Variants in USP15 observed in about 807,000 individuals in gnomAD.
USP15 encodes ubiquitin specific peptidase 15.
Under a neutral mutation model 127.1 loss-of-function variants are expected in USP15, and 18 were observed. The ratio of observed to expected loss-of-function variants is 0.14; its 90% CI spans 0.10 to 0.21. The LOEUF (loss-of-function observed/expected upper bound fraction) is 0.21, where lower values mean the gene tolerates loss of function less well. Ranked by LOEUF, USP15 falls within the 10% of genes least tolerant of loss-of-function variation. The pLI, the probability that USP15 is intolerant of heterozygous loss-of-function variation, is 1.00. For missense variants in USP15, 805 were observed against 1,159.9 expected, an observed-to-expected ratio of 0.69 and a Z score of 4.44; for synonymous variants, 364 against 393.7, an observed-to-expected ratio of 0.92 and a Z score of 0.89.
chr12:62,288,210 G>T (rs1424429778), intron 1 of USP15, among the ~76,000 whole-genome samples: 1 of 151,910 alleles, frequency 6.6e-6, no homozygotes, highest in African/African-American at 2.4e-5. Flanking sequence ...TAACATTATC[G>T]ATTCTTCTGA....
In USP15 at chr12:62,414,983, T is replaced by TATATCATATATGTACATAC. The variant is rs1202544924; in HGVS notation, c.*10626_*10627insCATATCATATATGTACATA. 1.3e-5 allele frequency: 2 copies of TATATCATATATGTACATAC among 150,204 alleles called. No homozygotes were observed. Among genetic ancestry groups the TATATCATATATGTACATAC allele is most frequent in the African/African-American group, 4.9e-5 (2 of 41,084 alleles). The allele number at this position is 150,204 out of a possible 1,614,324, so 9.3% of individuals were successfully genotyped here. A position where few individuals can be genotyped will look rare whatever the true frequency, so the allele number is the denominator to read the frequency against. On this transcript the variant is annotated 3_prime_UTR_variant, in exon 22 of 22. Transcript: ENST00000280377. ...TATACACATATCATGTATATACATA[T>TATATCATATATGTACATAC]ATATCATATATGTACATATATATAT...
At chr12:62,396,767 G>A (rs545016291) in intron 20 of USP15, among the ~76,000 whole-genome samples, 12 of 151,986 alleles carry the variant, frequency 7.9e-5, no homozygotes, top group Admixed American at 2.0e-4. Flanking sequence ...ACTAGGTCTC[G>A]ACACTTATGA....
At chr12:62,304,118 T>G (rs529436309) in intron 3 of USP15, among the ~76,000 whole-genome samples, 18 of 152,286 alleles carry the variant, frequency 1.2e-4, no homozygotes, top group African/African-American at 4.3e-4. Flanking sequence ...TAGCACATTA[T>G]ACACTAGCGG....
chr12:62,311,368 T>A (rs2064674211), intron 3 of USP15, among the ~76,000 whole-genome samples: 1 of 151,750 alleles, frequency 6.6e-6, no homozygotes, highest in Non-Finnish European at 1.5e-5. Flanking sequence ...TCACTAATGT[T>A]TTTCTGTAAA....
At chr12:62,397,728 G>A (rs367816147) in intron 20 of USP15, among the ~76,000 whole-genome samples, 8 of 151,086 alleles carry the variant, frequency 5.3e-5, no homozygotes, top group African/African-American at 1.2e-4. Flanking sequence ...GTGGTGGCAC[G>A]TGCCTGTAAT....
intron 8 of USP15, 56 bp from the exon 9 acceptor site, chr12:62,381,434 T>C (rs2066988005): frequency 2.1e-6 from 3 of 1,456,714 alleles, no homozygotes; most frequent in Non-Finnish European, 2.8e-6. Flanking sequence ...TTAATGTGTT[T>C]TAAGAAAAAT....
At chr12:62,383,440 G>A (rs2067050339) in intron 9 of USP15, among the ~76,000 whole-genome samples, 1 of 151,890 alleles carries the variant, frequency 6.6e-6, no homozygotes, top group Non-Finnish European at 1.5e-5. Flanking sequence ...GCACATCACA[G>A]CTTTCTTGCA....
chr12:62,329,508 C>T (rs1219456289), intron 6 of USP15, among the ~76,000 whole-genome samples: 1 of 152,126 alleles, frequency 6.6e-6, no homozygotes, highest in Non-Finnish European at 1.5e-5. Flanking sequence ...GAACTATACA[C>T]AGAGTTAAAA....
intron 16 of USP15, 124 bp from the exon 17 acceptor site, chr12:62,391,692 C>G: frequency 3.1e-6 from 3 of 967,212 alleles, no homozygotes; most frequent in Non-Finnish European, 4.5e-6. Flanking sequence ...GCTGTTTGCC[C>G]TAATCACCAG....
At chr12:62,280,720 T>C (rs1039756275) in intron 1 of USP15, among the ~76,000 whole-genome samples, 1 of 152,068 alleles carries the variant, frequency 6.6e-6, no homozygotes. Context: ...TTGAAAAGAA[T>C]AAGGGAATTT....
At chr12:62,292,767 C>G (rs937825595) in intron 1 of USP15, among the ~76,000 whole-genome samples, 1 of 152,192 alleles carries the variant, frequency 6.6e-6, no homozygotes, top group Non-Finnish European at 1.5e-5. Flanking sequence ...GCTTTGGTTT[C>G]CTTTGTCCCA....
intron 2 of USP15, among the ~76,000 whole-genome samples, chr12:62,300,962 T>C (rs1221683542): frequency 6.6e-6 from 1 of 152,152 alleles, no homozygotes. Flanking sequence ...TGGGAGAAGA[T>C]ATTTACAATC....
chr12:62,357,710 G>A (rs937610555), intron 8 of USP15, among the ~76,000 whole-genome samples: 8 of 152,072 alleles, frequency 5.3e-5, no homozygotes, highest in Middle Eastern at 3.4e-3. Flanking sequence ...TTACTTGTGC[G>A]GCTTTAGCTT....
chr12:62,373,135 C>G (rs1031011917), intron 8 of USP15, among the ~76,000 whole-genome samples: 4 of 151,882 alleles, frequency 2.6e-5, no homozygotes, highest in African/African-American at 9.7e-5. Context: ...AATCCTCTAT[C>G]CATATTTTTT....
chr12:62,339,861 C>G (rs2065594675), intron 6 of USP15, among the ~76,000 whole-genome samples: 1 of 152,108 alleles, frequency 6.6e-6, no homozygotes, highest in Non-Finnish European at 1.5e-5. Context: ...TTTGTTGTGT[C>G]TCTGCCAGCT....
intron 1 of USP15, among the ~76,000 whole-genome samples, chr12:62,276,679 C>T (rs2063500058): frequency 6.6e-6 from 1 of 152,056 alleles, no homozygotes; most frequent in Non-Finnish European, 1.5e-5. Context: ...ATCAGAATCA[C>T]ATTTTGATAA....
chr12:62,382,202 G>A (rs1043472812), intron 9 of USP15, among the ~76,000 whole-genome samples: 3 of 151,962 alleles, frequency 2.0e-5, no homozygotes, highest in Non-Finnish European at 4.4e-5. Context: ...TTATTCACAT[G>A]TGTGAATTGT....
At position 62,355,450 on chromosome 12, in the gene USP15, C is replaced by T. The variant is rs2066093262; in HGVS notation, c.890C>T (p.Thr297Met). The change falls in exon 8 of 22, where the codon ACG becomes ATG. Residue 297 changes from threonine to methionine, a missense_variant. This residue lies in a region of USP15 where 84 missense variants were observed against 107.7 expected (regional missense o/e 0.78). Coordinates refer to ENST00000280377, the MANE Select transcript of USP15 (RefSeq NM_001252078.2). ...TGTGGCCTAAGTAACTTGGGAAATA[C>T]GTGTTTCATGAACTCAGCTATTCAG... The part of the protein sequence containing the change: ...GLCGLSNLGN[T>M]CFMNSAIQCL... 2 of 1,603,876 alleles carry T rather than the reference C, an allele frequency of 1.2e-6. No individual in the cohort carries two copies. Among genetic ancestry groups the T allele is most frequent in the Non-Finnish European group, 1.7e-6 (2 of 1,175,290 alleles).
rs1279403888 is a variant in USP15 at position 62,409,414 on chromosome 12, A to C, written c.*5039A>C. The C allele has an allele frequency of 1.3e-5, 2 of 152,214 alleles. No homozygotes were observed. The highest frequency in any genetic ancestry group is 2.4e-5 in the African/African-American group (1 of 41,464). 9.4% of individuals were successfully genotyped at this position (152,214 alleles called of 1,614,324 possible). A position where few individuals can be genotyped will look rare whatever the true frequency, so the allele number is the denominator to read the frequency against. Reference sequence around the variant, plus strand: ...ATGTGATTTTACAAAGCAGCTAAAAATACAACTATCTCTCTGGAATTGAAA... The same window carrying C: ...ATGTGATTTTACAAAGCAGCTAAAACTACAACTATCTCTCTGGAATTGAAA... On this transcript the variant is annotated 3_prime_UTR_variant, in exon 22 of 22. Transcript: ENST00000280377.
Sources: gnomAD v4.1 joint callset for allele counts (sites outside exome capture counted in the v4.1 genomes callset) on GRCh38, gnomAD v4.1.1 for gene constraint, gnomAD v4.1.1 regional missense constraint, MANE v1.5 for transcripts, NCBI Gene and HGNC (gene_info 2026-07-23, HGNC 2026-07-21) for gene names.